Variants in NSD3 observed in about 807,000 individuals in gnomAD.
NSD3 encodes histone-lysine N-methyltransferase NSD3.
Under a neutral mutation model 160.8 loss-of-function variants are expected in NSD3, and 24 were observed. The observed-to-expected ratio is 0.15, with a 90% CI of 0.11 to 0.21. NSD3 has a LOEUF of 0.21. NSD3 is among the 10% of genes least tolerant of loss of function. The pLI is 1.00. For missense variants in NSD3, 1,157 were observed against 1,735.9 expected, an observed-to-expected ratio of 0.67 and a Z score of 5.93; for synonymous variants, 520 against 600.0, an observed-to-expected ratio of 0.87 and a Z score of 1.95.
At position 38,382,196 on chromosome 8, in the gene NSD3, G is replaced by A; in HGVS notation, c.-442C>T. The A allele has an allele frequency of 6.2e-6, 1 of 161,988 alleles. No homozygotes were observed. Among genetic ancestry groups the A allele is most frequent in the Non-Finnish European group, 1.3e-5 (1 of 75,566 alleles). 10.0% of individuals were successfully genotyped at this position (161,988 alleles called of 1,614,324 possible). On this transcript the variant is annotated 5_prime_UTR_variant, in exon 1 of 24. Coordinates refer to ENST00000317025, the MANE Select transcript of NSD3 (RefSeq NM_023034.2). This position sits in a 1 kb window ranked among gnomAD's most constrained non-coding sequence, Gnocchi z 4.2. ...CGCACGCCTCTCCGCGGCGACCTGT[G>A]CACAGCCCCCTCGGCCTCCGCCTCC...
chr8:38,293,099 C>T (rs1200402720), intron 16 of NSD3, among the ~76,000 whole-genome samples: 1 of 148,422 alleles, frequency 6.7e-6, no homozygotes, highest in Non-Finnish European at 1.5e-5. Context: ...GATCGTGCCA[C>T]TGCACTCCAG....
At chr8:38,315,840 T>G in intron 10 of NSD3, 72 bp downstream of exon 10, 2 of 1,548,570 alleles carry the variant, frequency 1.3e-6, no homozygotes, top group Non-Finnish European at 1.7e-6. Context: ...TGTCCTGATT[T>G]CCCCAAATAA....
rs1165290595 is a variant in NSD3, at chr8:38,276,505, C to A, written c.3868-5G>T. The A allele has an allele frequency of 5.6e-6, 9 of 1,613,898 alleles. No individual in the cohort carries two copies. In the East Asian group the frequency reaches 1.8e-4, roughly 32 times the overall value. On this transcript the variant is annotated splice_polypyrimidine_tract_variant and splice_region_variant and intron_variant, in intron 22 of 23. Transcript: ENST00000317025. Reference sequence around the variant, plus strand: ...ATTTGTTGACGCACATGCCGACTGGCAGGAAAGAAAGGATCATAGTTTCAA... The same window carrying A: ...ATTTGTTGACGCACATGCCGACTGGAAGGAAAGAAAGGATCATAGTTTCAA...
chr8:38,339,360 G>C (rs1365956990), intron 2 of NSD3, among the ~76,000 whole-genome samples: 1 of 152,148 alleles, frequency 6.6e-6, no homozygotes, highest in Non-Finnish European at 1.5e-5. Context: ...GAAAAGCACT[G>C]AGAGATGTAA....
intron 4 of NSD3, among the ~76,000 whole-genome samples, chr8:38,336,767 T>C (rs1810226726): frequency 6.6e-6 from 1 of 152,146 alleles, no homozygotes; most frequent in African/African-American, 2.4e-5. Context: ...ATGTAGGGTA[T>C]CATAAGGGAA....
intron 7 of NSD3, among the ~76,000 whole-genome samples, chr8:38,324,572 A>G (rs1809863095): frequency 6.6e-6 from 1 of 152,218 alleles, no homozygotes. Flanking sequence ...TTACTTGGTC[A>G]CTGTGATATT....
chr8:38,329,967 G>A lies in NSD3; in HGVS notation c.1066-74C>T. On this transcript the variant is annotated intron_variant, in intron 5 of 23. Coordinates refer to ENST00000317025, the MANE Select transcript of NSD3 (RefSeq NM_023034.2). This position sits in a 1 kb window ranked among gnomAD's most constrained non-coding sequence, Gnocchi z 4.8. ...ATTAAAATTGATATGTATTTCCCAT[G>A]TGATCCTGTTATCTTTTCAGGTCTA... 2.7e-6 allele frequency: 4 copies of A among 1,478,428 alleles called. No homozygotes were observed. The highest frequency in any genetic ancestry group is 3.6e-6 in the Non-Finnish European group (4 of 1,114,784). The allele number at this position is 1,478,428 out of a possible 1,614,324, so 91.6% of individuals were successfully genotyped here. A position where few individuals can be genotyped will look rare whatever the true frequency, so the allele number is the denominator to read the frequency against.
chr8:38,291,590 C>T lies in NSD3; in HGVS notation c.2916-913G>A, dbSNP rs371545179. ...GTCACCTGAAAGGTACTCTGCTGTT[C>T]ATCTAAGAATTGAAAACATGGGTAA... is the stretch of plus-strand genomic sequence containing the variant. On this transcript the variant is annotated intron_variant, in intron 16 of 23. Transcript: ENST00000317025. 3.0e-4 allele frequency among the ~76,000 whole-genome samples: 46 copies of T among 152,304 alleles called. 1 individual carries two copies. In the East Asian group the frequency reaches 5.8e-3, roughly 19 times the overall value.
chr8:38,328,481 C>G (rs1809969308), intron 6 of NSD3, among the ~76,000 whole-genome samples: 1 of 152,182 alleles, frequency 6.6e-6, no homozygotes, highest in African/African-American at 2.4e-5. Flanking sequence ...TTGGCCTTAA[C>G]TGAAGTCAGC....
intron 1 of NSD3, among the ~76,000 whole-genome samples, chr8:38,374,321 T>G (rs1811334586): frequency 6.6e-6 from 1 of 152,106 alleles, no homozygotes; most frequent in African/African-American, 2.4e-5. Flanking sequence ...TTAGGAAATA[T>G]GTATATAACT....
chr8:38,295,921 T>C lies in NSD3; in HGVS notation c.2790A>G (p.Pro930=). The part of the protein sequence containing the change: ...GGRLLCCESC[P]ASFHPECLSI... ...TTAGGCATTCCGGGTGGAAGGAAGC[T>C]GGGCACGATTCACAGCAGAGCAATC... Residue 930 remains proline, a synonymous_variant, in exon 16 of 24, where the codon CCA becomes CCG. Coordinates refer to ENST00000317025, the MANE Select transcript of NSD3 (RefSeq NM_023034.2). The C allele has an allele frequency of 6.2e-7, 1 of 1,613,748 alleles. No homozygotes were observed. Among genetic ancestry groups the C allele is most frequent in the Non-Finnish European group, 8.5e-7 (1 of 1,179,874 alleles).
intron 19 of NSD3, among the ~76,000 whole-genome samples, chr8:38,282,383 T>C (rs1172298316): frequency 6.6e-6 from 1 of 152,176 alleles, no homozygotes; most frequent in Non-Finnish European, 1.5e-5. Context: ...ATTTCAAGAA[T>C]GTTTTGGCTG....
intron 1 of NSD3, among the ~76,000 whole-genome samples, chr8:38,362,884 G>T (rs1811016386): frequency 6.6e-6 from 1 of 152,104 alleles, no homozygotes; most frequent in African/African-American, 2.4e-5. Context: ...TCTAAAAAAA[G>T]ACTTCCTTTT....
intron 4 of NSD3, among the ~76,000 whole-genome samples, chr8:38,331,893 C>A (rs1417268558): frequency 6.6e-6 from 1 of 152,166 alleles, no homozygotes; most frequent in Non-Finnish European, 1.5e-5. Context: ...ACAAAATAGT[C>A]ATTTTTCATA....
intron 1 of NSD3, among the ~76,000 whole-genome samples, chr8:38,374,953 G>A (rs866343204): frequency 7.9e-4 from 120 of 152,062 alleles, no homozygotes; most frequent in African/African-American, 2.7e-3. Context: ...GCAGTGAGCC[G>A]AGATCGCGCC....
In NSD3 at chr8:38,335,875, A is replaced by G. The variant is rs757879452; in HGVS notation, c.910+1430T>C. 2.6e-5 allele frequency: 4 copies of G among 152,258 alleles called. No individual in the cohort carries two copies. In the East Asian group the frequency reaches 7.7e-4, roughly 29 times the overall value. The allele number at this position is 152,258 out of a possible 1,614,324, so 9.4% of individuals were successfully genotyped here. Reference sequence around the variant, plus strand: ...CTATGAGGATTGGATAAGAAAATATATAAGAGAACTACTGAACACAGGACC... The same window carrying G: ...CTATGAGGATTGGATAAGAAAATATGTAAGAGAACTACTGAACACAGGACC... On this transcript the variant is annotated intron_variant, in intron 4 of 23. Coordinates refer to ENST00000317025, the MANE Select transcript of NSD3 (RefSeq NM_023034.2).
intron 20 of NSD3, 128 bp from the exon 21 acceptor site, chr8:38,279,809 A>G: frequency 1.0e-6 from 1 of 982,260 alleles, no homozygotes; most frequent in Non-Finnish European, 1.5e-6. Flanking sequence ...CAGATCAGGA[A>G]ATGTGAGGCT....
intron 1 of NSD3, among the ~76,000 whole-genome samples, chr8:38,351,020 G>A (rs1810683886): frequency 1.4e-5 from 2 of 145,630 alleles, no homozygotes; most frequent in African/African-American, 5.1e-5. Flanking sequence ...CGCCCAGGTT[G>A]GAGTACAGTG....
In NSD3 at chr8:38,289,322, T is replaced by A. The variant is rs187828606; in HGVS notation, c.3231+71A>T. ...TTTCGTCTCATCTATTAAATAACAATGCTTTCATAGTAAAGACTTACTTTG... is the reference window on the plus strand; with the variant it reads ...TTTCGTCTCATCTATTAAATAACAAAGCTTTCATAGTAAAGACTTACTTTG... On this transcript the variant is annotated intron_variant, in intron 18 of 23. Coordinates refer to ENST00000317025, the MANE Select transcript of NSD3 (RefSeq NM_023034.2). 24 of 1,363,248 alleles carry A rather than the reference T, an allele frequency of 1.8e-5. No individual in the cohort carries two copies. In the East Asian group the frequency reaches 5.5e-4, roughly 31 times the overall value. 84.4% of individuals were successfully genotyped at this position (1,363,248 alleles called of 1,614,324 possible).
Sources: gnomAD v4.1 joint callset for allele counts (sites outside exome capture counted in the v4.1 genomes callset) on GRCh38, gnomAD v4.1.1 for gene constraint, Gnocchi (gnomAD v3.1) non-coding constraint, MANE v1.5 for transcripts, NCBI Gene and HGNC (gene_info 2026-07-23, HGNC 2026-07-21) for gene names.